MCTP2: variants seen among roughly 807,000 people sequenced by gnomAD.
MCTP2 encodes multiple C2 and transmembrane domain containing 2, also known as multiple C2 and transmembrane domain-containing protein 2.
MCTP2 carries 132 observed loss-of-function variants against 111.6 expected under a neutral mutation model. The ratio of observed to expected loss-of-function variants is 1.18; its 90% confidence interval spans 1.03 to 1.37. MCTP2 has a LOEUF of 1.37. Ranked by LOEUF, MCTP2 falls within the 40% of genes most tolerant of loss-of-function variation. The pLI is 0.00. For synonymous variants in MCTP2, 395 were observed against 387.7 expected, an observed-to-expected ratio of 1.02 and a Z score of -0.22; for missense variants, 1,183 against 1,067.9, an observed-to-expected ratio of 1.11 and a Z score of -1.50.
rs2074695879 is a variant in MCTP2, at chr15:94,480,957, G to A, written c.*1923G>A. ...GTAAGAGCAGGACCGAATCAACCTT[G>A]AATAAACTGTATATAGAAAACAATT... On this transcript the variant is annotated 3_prime_UTR_variant, in exon 23 of 23. Transcript: ENST00000357742. The A allele has an allele frequency of 6.6e-6, 1 of 152,096 alleles. No individual in the cohort carries two copies. Among genetic ancestry groups the A allele is most frequent in the South Asian group, 2.1e-4 (1 of 4,828 alleles). The allele number at this position is 152,096 out of a possible 1,614,324, so 9.4% of individuals were successfully genotyped here.
At chr15:94,242,902 T>TA (rs1406212687) in intron 1 of MCTP2, among the ~76,000 whole-genome samples, 1 of 148,426 alleles carries the variant, frequency 6.7e-6, no homozygotes, top group Non-Finnish European at 1.5e-5. Flanking sequence ...TATGTATATA[T>TA]ATGTATACAC....
intron 10 of MCTP2, among the ~76,000 whole-genome samples, chr15:94,363,412 G>A (rs1453370831): frequency 6.6e-6 from 1 of 152,054 alleles, no homozygotes. Flanking sequence ...GAAGAACAGC[G>A]GTCTAAGCTG....
chr15:94,328,373 C>A (rs556234222), intron 4 of MCTP2, among the ~76,000 whole-genome samples: 2 of 152,194 alleles, frequency 1.3e-5, no homozygotes, highest in Admixed American at 6.5e-5. Context: ...CGTGATCCAC[C>A]CGCCTTGGCC....
At chr15:94,243,841 G>A (rs990796826) in intron 1 of MCTP2, among the ~76,000 whole-genome samples, 8 of 144,910 alleles carry the variant, frequency 5.5e-5, no homozygotes, top group Non-Finnish European at 1.1e-4. Flanking sequence ...ATATATTTAT[G>A]TACACATATA....
chr15:94,435,781 G>A (rs1208497182), intron 17 of MCTP2, among the ~76,000 whole-genome samples: 1 of 140,404 alleles, frequency 7.1e-6, no homozygotes, highest in Non-Finnish European at 1.6e-5. Context: ...ACAGGCGCCC[G>A]CCACTACACC....
intron 1 of MCTP2, among the ~76,000 whole-genome samples, chr15:94,277,714 G>A (rs758563615): frequency 7.9e-5 from 12 of 152,124 alleles, no homozygotes; most frequent in East Asian, 5.8e-4. Context: ...TTTTTATGAC[G>A]TACAGAAACT....
intron 22 of MCTP2, 84 bp downstream of exon 22, chr15:94,476,877 T>C: frequency 1.3e-6 from 1 of 793,166 alleles, no homozygotes; most frequent in Non-Finnish European, 2.1e-6. Context: ...AAGGCTTTGC[T>C]TGTGTGAGTA....
chr15:94,264,502 G>T (rs572259060), intron 1 of MCTP2, among the ~76,000 whole-genome samples: 1 of 151,890 alleles, frequency 6.6e-6, no homozygotes, highest in Non-Finnish European at 1.5e-5. Context: ...CCAGCTACTC[G>T]GGAGGCTGAG....
Position 94,479,385 on chromosome 15 carries a change from C to A in MCTP2, c.*351C>A. On this transcript the variant is annotated 3_prime_UTR_variant, in exon 23 of 23. Coordinates refer to ENST00000357742, the MANE Select transcript of MCTP2 (RefSeq NM_001385001.1). ...ACTTGGATTCAAGAGTGACTTTGAA[C>A]TTGTTTTCACACCTCCAACAGACTC... 3.4e-6 allele frequency: 1 copy of A among 296,240 alleles called. No individual in the cohort carries two copies. Among genetic ancestry groups the A allele is most frequent in the East Asian group, 5.8e-5 (1 of 17,180 alleles). 18.4% of individuals were successfully genotyped at this position (296,240 alleles called of 1,614,324 possible). A position where few individuals can be genotyped will look rare whatever the true frequency, so the allele number is the denominator to read the frequency against.
In MCTP2 at chr15:94,450,684, T is replaced by G. The variant is rs537637175; in HGVS notation, c.2251-7453T>G. ...GCATCTTTAGTCTAGATGATTGAAATTACTGGGAGGATTTTGAGATAAAAA... is the reference window on the plus strand; with the variant it reads ...GCATCTTTAGTCTAGATGATTGAAAGTACTGGGAGGATTTTGAGATAAAAA... On this transcript the variant is annotated intron_variant, in intron 19 of 22. Coordinates refer to ENST00000357742, the MANE Select transcript of MCTP2 (RefSeq NM_001385001.1). Among the ~76,000 whole-genome samples the G allele has an allele frequency of 2.6e-5, 4 of 152,328 alleles. No homozygotes were observed. The East Asian group carries it at 7.7e-4, about 29-fold the overall frequency.
intron 12 of MCTP2, among the ~76,000 whole-genome samples, chr15:94,372,155 G>A (rs189333488): frequency 1.1e-4 from 16 of 152,310 alleles, no homozygotes; most frequent in Admixed American, 7.2e-4. Context: ...TTCCAATAAC[G>A]ATAGCAGTAG....
intron 1 of MCTP2, among the ~76,000 whole-genome samples, chr15:94,254,502 C>G (rs1033929900): frequency 6.6e-6 from 1 of 152,284 alleles, no homozygotes; most frequent in East Asian, 1.9e-4. Flanking sequence ...TTAGAAAACT[C>G]ATGGACAAGA....
chr15:94,245,803 C>G (rs2071946386), intron 1 of MCTP2, among the ~76,000 whole-genome samples: 1 of 150,778 alleles, frequency 6.6e-6, no homozygotes, highest in Non-Finnish European at 1.5e-5. Flanking sequence ...TTCATTGGAG[C>G]ACATACCTAC....
At chr15:94,382,104 T>A (rs2080170565) in intron 12 of MCTP2, among the ~76,000 whole-genome samples, 1 of 152,228 alleles carries the variant, frequency 6.6e-6, no homozygotes, top group South Asian at 2.1e-4. Flanking sequence ...CGGAGGCCCT[T>A]GCATCGGTCT....
intron 1 of MCTP2, among the ~76,000 whole-genome samples, chr15:94,243,787 G>T (rs778449385): frequency 6.9e-6 from 1 of 145,140 alleles, no homozygotes; most frequent in Non-Finnish European, 1.5e-5. Flanking sequence ...ACATATATAT[G>T]TATATACACA....
rs2079262362 is a variant in MCTP2, at chr15:94,367,618, A to G, written c.1315A>G (p.Ile439Val). ...AAACTTTTCTAGGTGTAAAGTGGAT[A>G]TCTCGGCACTCCCTCTGAAGCAAGC... ...EERLGTCKVDISALPLKQANC... is the reference protein window; with the variant it reads ...EERLGTCKVDVSALPLKQANC... The change falls in exon 11 of 23, where the codon ATC becomes GTC. Residue 439 changes from isoleucine (I) to valine (V), a missense_variant. Physicochemically the swap from Ile to Val is conservative, Grantham distance 29 (BLOSUM62 3). Transcript: ENST00000357742. 1.2e-6 allele frequency: 2 copies of G among 1,610,742 alleles called. No homozygotes were observed. Among genetic ancestry groups the G allele is most frequent in the Non-Finnish European group, 8.5e-7 (1 of 1,178,492 alleles).
intron 1 of MCTP2, among the ~76,000 whole-genome samples, chr15:94,249,734 C>T (rs1041792939): frequency 6.6e-6 from 1 of 152,104 alleles, no homozygotes; most frequent in African/African-American, 2.4e-5. Context: ...ATCCACCCAC[C>T]TCAGCCTCCC....
intron 1 of MCTP2, among the ~76,000 whole-genome samples, chr15:94,287,741 C>T (rs561220306): frequency 4.6e-5 from 7 of 152,316 alleles, no homozygotes; most frequent in South Asian, 2.1e-4. Context: ...CTGCAGTTTC[C>T]CAGTGCCAAC....
At position 94,402,718 on chromosome 15, in the gene MCTP2, G is replaced by T. The variant is rs934353196; in HGVS notation, c.2085+699G>T. The T allele has an allele frequency of 4.9e-6, 7 of 1,441,690 alleles. No homozygotes were observed. The African/African-American group carries it at 8.6e-5, about 18-fold the overall frequency. 89.3% of individuals were successfully genotyped at this position (1,441,690 alleles called of 1,614,324 possible). On this transcript the variant is annotated intron_variant, in intron 17 of 22. Coordinates refer to ENST00000357742, the MANE Select transcript of MCTP2 (RefSeq NM_001385001.1). Reference sequence around the variant, plus strand: ...CTCATTTGTAAAGGGACTTGTCCTTGATCAAATTGGTAATGTCAGCCATGG... The same window carrying T: ...CTCATTTGTAAAGGGACTTGTCCTTTATCAAATTGGTAATGTCAGCCATGG...
Sources: allele counts gnomAD v4.1 joint callset (sites outside exome capture counted in the v4.1 genomes callset), GRCh38; gene constraint gnomAD v4.1.1; transcripts MANE v1.5; gene names NCBI Gene and HGNC (gene_info 2026-07-23, HGNC 2026-07-21).